Variants in HTT-AS observed in about 807,000 individuals in gnomAD.
HTT-AS encodes HTT antisense RNA.
At chr4:3,074,585 T>C, upstream of HTT-AS, 1 of 391,150 alleles carries the variant, frequency 2.6e-6, no homozygotes, top group Non-Finnish European at 4.3e-6. Flanking sequence ...GTCCGCAGGC[T>C]AGGGCTGTCA....
chr4:3,053,288 T>G (rs1711746856), intron 2 of HTT-AS, among the ~76,000 whole-genome samples: 1 of 152,204 alleles, frequency 6.6e-6, no homozygotes, highest in African/African-American at 2.4e-5. Flanking sequence ...ATCCCAACAC[T>G]TTGGGAGGCT....
intron 2 of HTT-AS, among the ~76,000 whole-genome samples, chr4:3,062,382 T>G (rs1711946070): frequency 6.6e-6 from 1 of 152,130 alleles, no homozygotes; most frequent in Non-Finnish European, 1.5e-5. Context: ...CAAAACCTCA[T>G]GGTTTTCCCT....
intron 1 of HTT-AS, among the ~76,000 whole-genome samples, chr4:3,067,855 A>G (rs562972031): frequency 4.6e-5 from 7 of 152,196 alleles, no homozygotes; most frequent in Non-Finnish European, 8.8e-5. Context: ...CAACAAGCAG[A>G]CTTGTCTCTC....
chr4:3,060,514 C>A (rs183713316), intron 2 of HTT-AS, among the ~76,000 whole-genome samples: 2 of 152,242 alleles, frequency 1.3e-5, no homozygotes, highest in East Asian at 3.9e-4. Context: ...TGATGATATA[C>A]GAGTTAAAAA....
chr4:3,046,309 T>G (rs992083752), downstream of HTT-AS, among the ~76,000 whole-genome samples: 8 of 152,092 alleles, frequency 5.3e-5, no homozygotes, highest in Admixed American at 1.3e-4. Context: ...AACAGCTGGG[T>G]TGGTTGCAGC....
intron 1 of HTT-AS, among the ~76,000 whole-genome samples, chr4:3,067,882 T>A (rs1343270571): frequency 1.3e-5 from 2 of 152,150 alleles, no homozygotes; most frequent in African/African-American, 4.8e-5. Flanking sequence ...CCCCCAGACG[T>A]ATCACTGCAA....
chr4:3,074,519 G>C (rs1444460187), exon 1 of HTT-AS: 1 of 286,874 alleles, frequency 3.5e-6, no homozygotes, highest in African/African-American at 2.3e-5. Flanking sequence ...CTTGCTGTGT[G>C]AGGCAGAACC....
chr4:3,050,306 A>G (rs1011092280), intron 2 of HTT-AS, among the ~76,000 whole-genome samples: 9 of 152,344 alleles, frequency 5.9e-5, no homozygotes, highest in African/African-American at 2.2e-4. Context: ...GTATATCTGA[A>G]CTATTTCAGT....
At chr4:3,046,504 G>C (rs1711589405), downstream of HTT-AS, among the ~76,000 whole-genome samples, 1 of 152,222 alleles carries the variant, frequency 6.6e-6, no homozygotes, top group Non-Finnish European at 1.5e-5. Flanking sequence ...CTCAAATAGA[G>C]AAGTATGGAG....
chr4:3,054,233 G>A (rs1253474712), intron 2 of HTT-AS, among the ~76,000 whole-genome samples: 2 of 151,252 alleles, frequency 1.3e-5, no homozygotes, highest in Non-Finnish European at 2.9e-5. Context: ...GATCTCGTAT[G>A]GTAAATTCTT....
chr4:3,071,389 G>C (rs1341618986), intron 1 of HTT-AS, among the ~76,000 whole-genome samples: 2 of 152,112 alleles, frequency 1.3e-5, no homozygotes, highest in Non-Finnish European at 2.9e-5. Flanking sequence ...CCAGGGAGCA[G>C]GAAAAAGGTG....
At chr4:3,049,007 C>T (rs1711651099), downstream of HTT-AS, among the ~76,000 whole-genome samples, 1 of 152,156 alleles carries the variant, frequency 6.6e-6, no homozygotes, top group Non-Finnish European at 1.5e-5. Flanking sequence ...TAAAGTTATC[C>T]GTGTATAAGG....
intron 1 of HTT-AS, among the ~76,000 whole-genome samples, chr4:3,071,888 G>A (rs532063367): frequency 4.6e-5 from 7 of 152,202 alleles, no homozygotes; most frequent in African/African-American, 9.6e-5. Flanking sequence ...CCTTCATCTC[G>A]GACTTCTAGC....
At chr4:3,056,848 T>C (rs1302110421) in intron 2 of HTT-AS, among the ~76,000 whole-genome samples, 4 of 152,188 alleles carry the variant, frequency 2.6e-5, no homozygotes, top group African/African-American at 9.6e-5. Flanking sequence ...CCATCTATCA[T>C]TCATTCAATC....
At chr4:3,055,351 C>A (rs533656003) in intron 2 of HTT-AS, among the ~76,000 whole-genome samples, 1 of 152,008 alleles carries the variant, frequency 6.6e-6, no homozygotes, top group African/African-American at 2.4e-5. Flanking sequence ...ATCTTTAACC[C>A]ATTTTTAACC....
At chr4:3,067,157 GAAGT>G (rs1712071992) in intron 1 of HTT-AS, among the ~76,000 whole-genome samples, 3 of 152,222 alleles carry the variant, frequency 2.0e-5, no homozygotes, top group South Asian at 4.1e-4. Flanking sequence ...AGAGAACTAG[GAAGT>G]AAGTCAGATG....
chr4:3,070,170 A>G (rs1346516222), intron 1 of HTT-AS: 1 of 152,204 alleles, frequency 6.6e-6, no homozygotes, highest in Non-Finnish European at 1.5e-5. Flanking sequence ...GTTCATGTTC[A>G]TTGCTGAAAA....
exon 3 of HTT-AS, among the ~76,000 whole-genome samples, chr4:3,049,183 G>A (rs527433059): frequency 6.6e-6 from 1 of 152,224 alleles, no homozygotes; most frequent in East Asian, 1.9e-4. Flanking sequence ...CAGCACTTTG[G>A]GAGGCCGAGG....
chr4:3,055,167 G>A lies in HTT-AS; in HGVS notation n.1381-5469C>T, dbSNP rs184170941. Among the ~76,000 whole-genome samples the A allele has an allele frequency of 4.0e-3, 611 of 151,938 alleles. 25 individuals are homozygous for A. The highest frequency in any genetic ancestry group is 0.036 in the Admixed American group (543 of 15,246). ...ATCGAGACCATCCGGGCGTGGTGGC[G>A]GGCGCCTGTAGTCCCAGCTACTCAG... is the stretch of plus-strand genomic sequence containing the variant. On this transcript the variant is annotated intron_variant and non_coding_transcript_variant, in intron 2 of 2. Coordinates refer to ENST00000664062, the Ensembl canonical transcript of HTT-AS.
Sources: allele counts gnomAD v4.1 joint callset (sites outside exome capture counted in the v4.1 genomes callset), GRCh38; gene constraint gnomAD v4.1.1; transcripts MANE v1.5; gene names NCBI Gene and HGNC (gene_info 2026-07-23, HGNC 2026-07-21).